Variants in PRKD1 observed in about 807,000 individuals in gnomAD.
PRKD1 encodes serine/threonine-protein kinase D1.
In PRKD1, 63 loss-of-function variants were observed where a neutral mutation model predicts 95.9. The observed-to-expected ratio is 0.66, with a 90% CI of 0.54 to 0.81. PRKD1 has a LOEUF of 0.81. Among genes scored for constraint, PRKD1 ranks in the 30% least tolerant of loss-of-function variants. The probability of loss-of-function intolerance (pLI) is 0.00; values close to 1 mark genes in which losing one functional copy is unlikely to be tolerated. For missense variants in PRKD1, 1,048 were observed against 1,165.3 expected (o/e 0.90, Z 1.47); for synonymous variants, 425 against 423.1 (o/e 1.00, Z -0.05).
At chr14:29,814,357 T>A (rs140762914) in intron 1 of PRKD1, among the ~76,000 whole-genome samples, 416 of 152,136 alleles carry the variant, frequency 2.7e-3, no homozygotes, top group Admixed American at 8.2e-3. Context: ...CAGCCTGGAG[T>A]CTAACAAAAA....
chr14:29,717,419 G>A (rs917221056), intron 2 of PRKD1, among the ~76,000 whole-genome samples: 1 of 152,136 alleles, frequency 6.6e-6, no homozygotes, highest in African/African-American at 2.4e-5. Context: ...GATGGATCAA[G>A]ATTCAGGGAA....
chr14:29,696,290 T>C (rs1168601982), intron 2 of PRKD1, among the ~76,000 whole-genome samples: 1 of 152,200 alleles, frequency 6.6e-6, no homozygotes, highest in Non-Finnish European at 1.5e-5. Context: ...TATTTTTTAT[T>C]TTTCAAATCA....
chr14:29,915,152 A>G (rs1594624722), intron 1 of PRKD1, among the ~76,000 whole-genome samples: 1 of 152,222 alleles, frequency 6.6e-6, no homozygotes, highest in East Asian at 1.9e-4. Context: ...ATTTTGAACC[A>G]CAATGATCAA....
chr14:29,700,986 G>A (rs544958563), intron 2 of PRKD1, among the ~76,000 whole-genome samples: 314 of 52,316 alleles, frequency 6.0e-3, no homozygotes, highest in African/African-American at 0.019. Context: ...GCGCGCGCGC[G>A]CGCACACACA....
At chr14:29,634,804 C>T (rs531643040) in intron 7 of PRKD1, among the ~76,000 whole-genome samples, 29 of 151,884 alleles carry the variant, frequency 1.9e-4, no homozygotes, top group Non-Finnish European at 3.8e-4. Context: ...GAGGCCGAGG[C>T]GGGTGGATCA....
chr14:29,716,694 C>A (rs1002736267), intron 2 of PRKD1, among the ~76,000 whole-genome samples: 2 of 152,084 alleles, frequency 1.3e-5, no homozygotes, highest in Admixed American at 6.5e-5. Context: ...GGAGTAACTA[C>A]TGAATACATC....
intron 4 of PRKD1, among the ~76,000 whole-genome samples, chr14:29,642,301 A>G (rs1031491403): frequency 1.3e-5 from 2 of 152,220 alleles, no homozygotes; most frequent in African/African-American, 4.8e-5. Flanking sequence ...ATCAGTTGTT[A>G]TTTTAAGCAA....
At chr14:29,827,879 C>T (rs1181374432) in intron 1 of PRKD1, among the ~76,000 whole-genome samples, 5 of 152,072 alleles carry the variant, frequency 3.3e-5, no homozygotes, top group Non-Finnish European at 5.9e-5. Flanking sequence ...CCAGAGAGCT[C>T]TTCTTCTTCT....
chr14:29,780,940 C>T (rs1273930461), intron 1 of PRKD1, among the ~76,000 whole-genome samples: 1 of 152,008 alleles, frequency 6.6e-6, no homozygotes, highest in South Asian at 2.1e-4. Context: ...ACATATACAC[C>T]ATGGAATACT....
chr14:29,732,913 G>GT lies in PRKD1; in HGVS notation c.265-7240dup, dbSNP rs574548102. 2.7e-3 allele frequency among the ~76,000 whole-genome samples: 339 copies of GT among 123,918 alleles called. 1 individual carries two copies. The highest frequency in any genetic ancestry group is 0.017 in the Middle Eastern group (4 of 234). 81.3% of individuals were successfully genotyped at this position (123,918 alleles called of 152,430 possible). On this transcript the variant is annotated intron_variant, in intron 1 of 17. Coordinates refer to ENST00000331968, the MANE Select transcript of PRKD1 (RefSeq NM_002742.3). The stretch of plus-strand genomic sequence containing the variant: ...ATTTGATAGTGATGTGCCTTGAAGT[G>GT]TTTTTTTTTTTTTTCAGTTTATCTT...
chr14:29,585,702 T>C (rs1410087263), intron 16 of PRKD1, among the ~76,000 whole-genome samples: 4 of 152,186 alleles, frequency 2.6e-5, no homozygotes, highest in Admixed American at 1.3e-4. Context: ...TAACAGATCA[T>C]AAGATCAGTG....
At chr14:29,643,254 G>T (rs1043078122) in intron 4 of PRKD1, among the ~76,000 whole-genome samples, 15 of 151,740 alleles carry the variant, frequency 9.9e-5, no homozygotes, top group African/African-American at 3.6e-4. Flanking sequence ...AAACATAAAG[G>T]TATTTTTTGT....
chr14:29,617,991 A>T (rs1378726061), intron 13 of PRKD1, among the ~76,000 whole-genome samples: 1 of 152,068 alleles, frequency 6.6e-6, no homozygotes, highest in African/African-American at 2.4e-5. Context: ...GGATTGCTTG[A>T]ACCTGGGTCA....
At chr14:29,659,302 A>G (rs1882064037) in intron 4 of PRKD1, among the ~76,000 whole-genome samples, 1 of 152,198 alleles carries the variant, frequency 6.6e-6, no homozygotes, top group Non-Finnish European at 1.5e-5. Context: ...GTGAGATTCA[A>G]CAATGTTGCA....
At chr14:29,822,446 A>T (rs1890950935) in intron 1 of PRKD1, among the ~76,000 whole-genome samples, 1 of 152,222 alleles carries the variant, frequency 6.6e-6, no homozygotes, top group Non-Finnish European at 1.5e-5. Flanking sequence ...CAGATCCAAA[A>T]TGGCTTTGCT....
chr14:29,659,028 A>G (rs190941451), intron 4 of PRKD1, among the ~76,000 whole-genome samples: 6 of 152,312 alleles, frequency 3.9e-5, no homozygotes, highest in African/African-American at 1.4e-4. Context: ...TACAATTCAT[A>G]TGGAATAAAG....
intron 13 of PRKD1, among the ~76,000 whole-genome samples, chr14:29,617,931 C>A (rs1394955462): frequency 6.6e-6 from 1 of 151,454 alleles, no homozygotes; most frequent in African/African-American, 2.4e-5. Context: ...GTTAGCCAAG[C>A]TTGGTGGGGC....
At chr14:29,737,372 A>G (rs1033287793) in intron 1 of PRKD1, among the ~76,000 whole-genome samples, 1 of 142,224 alleles carries the variant, frequency 7.0e-6, no homozygotes, top group African/African-American at 2.6e-5. Flanking sequence ...ATACTCTGCC[A>G]GTTTACTTTT....
At chr14:29,809,499 G>C (rs1456951011) in intron 1 of PRKD1, among the ~76,000 whole-genome samples, 2 of 152,200 alleles carry the variant, frequency 1.3e-5, no homozygotes. Flanking sequence ...ATCTTAGCTA[G>C]ATCTTCTGGA....
Sources: allele counts gnomAD v4.1 joint callset (sites outside exome capture counted in the v4.1 genomes callset), GRCh38; gene constraint gnomAD v4.1.1; transcripts MANE v1.5; gene names NCBI Gene and HGNC (gene_info 2026-07-23, HGNC 2026-07-21).